The following MAP2K4 variants were observed in gnomAD, a reference collection of about 807,000 sequenced individuals.
MAP2K4 encodes mitogen-activated protein kinase kinase 4.
In MAP2K4, 4 loss-of-function variants were observed where a neutral mutation model predicts 48.5. That is an observed-to-expected ratio of 0.08 (90% CI 0.04 to 0.19). The LOEUF (loss-of-function observed/expected upper bound fraction) is 0.19. Among genes scored for constraint, MAP2K4 ranks in the 10% least tolerant of loss-of-function variants. MAP2K4 has a pLI of 1.00. For missense variants in MAP2K4, 258 were observed against 493.3 expected (o/e 0.52, Z 4.52); for synonymous variants, 166 against 173.1 (o/e 0.96, Z 0.32).
intron 2 of MAP2K4, among the ~76,000 whole-genome samples, chr17:12,074,590 A>G (rs144089790): frequency 1.1e-3 from 162 of 152,288 alleles, no homozygotes; most frequent in African/African-American, 3.6e-3. Context: ...TAATCCTTTT[A>G]GGTGGCTTAT....
chr17:12,064,644 T>C (rs943616548), intron 2 of MAP2K4, among the ~76,000 whole-genome samples: 3 of 152,172 alleles, frequency 2.0e-5, no homozygotes, highest in Non-Finnish European at 4.4e-5. Context: ...ACAACCACTT[T>C]AGAAAACTCT....
At chr17:12,083,516 C>T (rs1406958670) in intron 3 of MAP2K4, among the ~76,000 whole-genome samples, 1 of 152,148 alleles carries the variant, frequency 6.6e-6, no homozygotes, top group African/African-American at 2.4e-5. Context: ...TTTACCATCT[C>T]GAATTCTTGA....
chr17:12,064,475 A>G (rs370951637), intron 2 of MAP2K4, among the ~76,000 whole-genome samples: 1 of 152,250 alleles, frequency 6.6e-6, no homozygotes, highest in Admixed American at 6.5e-5. Flanking sequence ...AGAAACAGCC[A>G]TAAGAACATT....
At position 12,076,279 on chromosome 17, in the gene MAP2K4, C is replaced by CTGTGTGTGTGTGTGTG. The variant is rs372806903; in HGVS notation, c.219-5045_219-5030dup. 1.7e-3 allele frequency among the ~76,000 whole-genome samples: 232 copies of CTGTGTGTGTGTGTGTG among 135,248 alleles called. 2 individuals carry two copies. The highest frequency in any genetic ancestry group is 2.7e-3 in the Non-Finnish European group (170 of 63,194). 88.7% of individuals were successfully genotyped at this position (135,248 alleles called of 152,430 possible). ...TGTTCTGGGACATTATGTCACAGTT[C>CTGTGTGTGTGTGTGTG]TGTGTGTGTGTGTGTGTGTGTGTGT... is the stretch of plus-strand genomic sequence containing the variant. On this transcript the variant is annotated intron_variant, in intron 2 of 10. Coordinates refer to ENST00000353533, the MANE Select transcript of MAP2K4 (RefSeq NM_003010.4).
rs903151707 is a variant in MAP2K4, at chr17:12,113,049, C to T, written c.686-184C>T. 3 of 477,994 alleles carry T rather than the reference C, an allele frequency of 6.3e-6. No individual in the cohort carries two copies. In the East Asian group the frequency reaches 9.1e-5, roughly 15 times the overall value. The allele number at this position is 477,994 out of a possible 1,614,324, so 29.6% of individuals were successfully genotyped here. A position where few individuals can be genotyped will look rare whatever the true frequency, so the allele number is the denominator to read the frequency against. On this transcript the variant is annotated intron_variant, in intron 6 of 10. Coordinates refer to ENST00000353533, the MANE Select transcript of MAP2K4 (RefSeq NM_003010.4). ...TACACAATTATAGTTATTAAAGCTA[C>T]ATGTTTAAAACATGAATAATTATTG... is the stretch of plus-strand genomic sequence containing the variant.
intron 2 of MAP2K4, among the ~76,000 whole-genome samples, chr17:12,076,454 A>C (rs1971012589): frequency 6.6e-6 from 1 of 152,186 alleles, no homozygotes; most frequent in Non-Finnish European, 1.5e-5. Context: ...TGTCATTTCT[A>C]TCCAGAAGAT....
At chr17:12,067,092 G>A (rs1299283580) in intron 2 of MAP2K4, among the ~76,000 whole-genome samples, 1 of 152,160 alleles carries the variant, frequency 6.6e-6, no homozygotes, top group East Asian at 1.9e-4. Flanking sequence ...AAAGTGCTGG[G>A]ATTACAGGGG....
rs1482172052 is a variant in MAP2K4 at position 12,142,395 on chromosome 17, A to G, written c.*1135A>G. On this transcript the variant is annotated 3_prime_UTR_variant, in exon 11 of 11. Coordinates refer to ENST00000353533, the MANE Select transcript of MAP2K4 (RefSeq NM_003010.4). ...CCTTCCCCTGTGGTCTATTGTCGCTATGTGACTTGCGCTTAATCCAATATT... is the reference window on the plus strand; with the variant it reads ...CCTTCCCCTGTGGTCTATTGTCGCTGTGTGACTTGCGCTTAATCCAATATT... 4.3e-6 allele frequency: 1 copy of G among 233,068 alleles called. No homozygotes were observed. The highest frequency in any genetic ancestry group is 8.5e-6 in the Non-Finnish European group (1 of 117,944). 14.4% of individuals were successfully genotyped at this position (233,068 alleles called of 1,614,324 possible). A position where few individuals can be genotyped will look rare whatever the true frequency, so the allele number is the denominator to read the frequency against.
chr17:12,075,459 C>T (rs1274990380), intron 2 of MAP2K4, among the ~76,000 whole-genome samples: 1 of 152,086 alleles, frequency 6.6e-6, no homozygotes, highest in Non-Finnish European at 1.5e-5. Flanking sequence ...AAACAACAAA[C>T]TGGGAAAATA....
At chr17:12,082,258 G>A (rs972132587) in intron 3 of MAP2K4, among the ~76,000 whole-genome samples, 1 of 151,836 alleles carries the variant, frequency 6.6e-6, no homozygotes, top group African/African-American at 2.4e-5. Flanking sequence ...TCATGTAATT[G>A]TAATTTATTC....
At chr17:12,100,157 A>G (rs561682986) in intron 4 of MAP2K4, among the ~76,000 whole-genome samples, 2 of 152,314 alleles carry the variant, frequency 1.3e-5, no homozygotes, top group East Asian at 3.9e-4. Context: ...AATTATCACC[A>G]AAATCAAGGT....
intron 7 of MAP2K4, among the ~76,000 whole-genome samples, chr17:12,117,026 A>G (rs1972523335): frequency 6.6e-6 from 1 of 152,114 alleles, no homozygotes; most frequent in Non-Finnish European, 1.5e-5. Context: ...TTATGGGACA[A>G]CCTTTGTATA....
intron 6 of MAP2K4, 183 bp from the exon 7 acceptor site, chr17:12,113,050 A>G (rs1253869307): frequency 4.2e-6 from 2 of 481,576 alleles, no homozygotes; most frequent in Non-Finnish European, 7.5e-6. Flanking sequence ...TTAAAGCTAC[A>G]TGTTTAAAAC....
chr17:12,081,359 G>A lies in MAP2K4; in HGVS notation c.222G>A (p.Glu74=). 6.2e-7 allele frequency: 1 copy of A among 1,602,664 alleles called. No homozygotes were observed. Among genetic ancestry groups the A allele is most frequent in the Non-Finnish European group, 8.5e-7 (1 of 1,176,874 alleles). ...NPTGVQNPHI[E]RLRTHSIESS... ...TTGCTTCCCAATATTTTAACAGAGA[G>A]AGACTGAGAACACACAGCATTGAGT... is the stretch of plus-strand genomic sequence containing the variant. Residue 74 remains glutamate, a synonymous_variant, in exon 3 of 11, where the codon GAG becomes GAA. Transcript: ENST00000353533. The surrounding 1 kb of genome is among the most constrained non-coding windows in gnomAD (Gnocchi z 4.2).
intron 5 of MAP2K4, among the ~76,000 whole-genome samples, chr17:12,109,740 G>A (rs1972243168): frequency 6.6e-6 from 1 of 152,120 alleles, no homozygotes; most frequent in African/African-American, 2.4e-5. Context: ...ATTTACTACT[G>A]GACTTAGAAA....
rs558720390 is a variant in MAP2K4 at position 12,124,431 on chromosome 17, G to T, written c.814-863G>T. On this transcript the variant is annotated intron_variant, in intron 7 of 10. Coordinates refer to ENST00000353533, the MANE Select transcript of MAP2K4 (RefSeq NM_003010.4). ...ACTGTCTTGGCAGTGCTTTAATTTG[G>T]CTACAAATGACTAACAGACAAATAT... 5.3e-5 allele frequency: 8 copies of T among 152,062 alleles called. No homozygotes were observed. In the South Asian group the frequency reaches 1.7e-3, roughly 32 times the overall value. The allele number at this position is 152,062 out of a possible 1,614,324, so 9.4% of individuals were successfully genotyped here. A position where few individuals can be genotyped will look rare whatever the true frequency, so the allele number is the denominator to read the frequency against.
At chr17:12,080,591 C>T (rs1261742134) in intron 2 of MAP2K4, among the ~76,000 whole-genome samples, 1 of 151,992 alleles carries the variant, frequency 6.6e-6, no homozygotes, top group Non-Finnish European at 1.5e-5. Context: ...ATTTTTTATC[C>T]CATTGCTTTA....
intron 7 of MAP2K4, among the ~76,000 whole-genome samples, chr17:12,117,596 TA>T (rs1258977995): frequency 6.8e-5 from 6 of 88,334 alleles, no homozygotes; most frequent in Middle Eastern, 6.0e-3. Context: ...TTACTCACTG[TA>T]TTTTTTTTTG....
chr17:12,021,022 G>A (rs531518289), intron 1 of MAP2K4, 21 bp downstream of exon 1: 82 of 1,189,894 alleles, frequency 6.9e-5, no homozygotes, highest in Non-Finnish European at 8.5e-5. Context: ...CGGCCGCGCC[G>A]AGATCCCAGC....
Sources: allele counts gnomAD v4.1 joint callset (sites outside exome capture counted in the v4.1 genomes callset), GRCh38; gene constraint gnomAD v4.1.1; non-coding constraint Gnocchi (gnomAD v3.1); transcripts MANE v1.5; gene names NCBI Gene and HGNC (gene_info 2026-07-23, HGNC 2026-07-21).